TRMT61B: variants seen among roughly 807,000 people sequenced by gnomAD.
The protein encoded by TRMT61B is tRNA (adenine(58)-N(1))-methyltransferase, mitochondrial.
Under a neutral mutation model 52.0 loss-of-function variants are expected in TRMT61B, and 56 were observed. That is an observed-to-expected ratio of 1.08 (90% CI 0.87 to 1.35). TRMT61B has a LOEUF of 1.35. Among genes scored for constraint, TRMT61B ranks in the 40% most tolerant of loss-of-function variants. The pLI is 0.00. For missense variants in TRMT61B, 650 were observed against 577.9 expected, an observed-to-expected ratio of 1.12 and a Z score of -1.28; for synonymous variants, 206 against 220.0, an observed-to-expected ratio of 0.94 and a Z score of 0.56.
chr2:28,852,764 C>A (rs111911755), intron 3 of TRMT61B, among the ~76,000 whole-genome samples: 4 of 151,952 alleles, frequency 2.6e-5, no homozygotes, highest in African/African-American at 9.7e-5. Context: ...TTGAGAACAG[C>A]CCAGGCAACA....
intron 2 of TRMT61B, among the ~76,000 whole-genome samples, chr2:28,864,781 C>A (rs1215540538): frequency 6.6e-6 from 1 of 151,958 alleles, no homozygotes; most frequent in Non-Finnish European, 1.5e-5. Flanking sequence ...AAAGAAGCAG[C>A]ATTAGAGAGC....
chr2:28,850,101 T>G lies in TRMT61B; in HGVS notation c.*98A>C. ...GTATAAGTTATATAAGTCATAGTAA[T>G]AGCTAAAAATGCCAATCTATGGAAG... On this transcript the variant is annotated 3_prime_UTR_variant, in exon 7 of 7. Coordinates refer to ENST00000306108, the MANE Select transcript of TRMT61B (RefSeq NM_017910.4). 1 of 1,238,236 alleles carries G rather than the reference T, an allele frequency of 8.1e-7. No homozygotes were observed. Among genetic ancestry groups the G allele is most frequent in the Non-Finnish European group, 1.2e-6 (1 of 864,028 alleles). 76.7% of individuals were successfully genotyped at this position (1,238,236 alleles called of 1,614,324 possible). A position where few individuals can be genotyped will look rare whatever the true frequency, so the allele number is the denominator to read the frequency against.
At chr2:28,860,568 C>T (rs1321938149) in intron 3 of TRMT61B, among the ~76,000 whole-genome samples, 1 of 152,162 alleles carries the variant, frequency 6.6e-6, no homozygotes, top group South Asian at 2.1e-4. Flanking sequence ...ATCTTCTCTG[C>T]TTCTTTTCCC....
chr2:28,869,929 G>A lies in TRMT61B; in HGVS notation c.349C>T (p.Gln117Ter), dbSNP rs759704663. ...GDQGRCGPTH[Q>*]GSEDPSMLSQ... ...AGCATCGAAGGATCCTCGGATCCCT[G>A]GTGTGTGGGACCGCACCGGCCCTGG... is the stretch of plus-strand genomic sequence containing the variant. Residue 117 changes from glutamine to a stop codon, truncating the protein, a stop_gained, in exon 1 of 7, where the codon CAG (glutamine) becomes TAG (stop). Transcript: ENST00000306108. LOFTEE classifies it high-confidence loss of function. 1 of 1,613,834 alleles carries A rather than the reference G, an allele frequency of 6.2e-7. No homozygotes were observed. Among genetic ancestry groups the A allele is most frequent in the Admixed American group, 1.7e-5 (1 of 59,996 alleles).
In TRMT61B at chr2:28,869,798, C is replaced by T. The variant is rs140115429; in HGVS notation, c.480G>A (p.Glu160=). The T allele has an allele frequency of 6.8e-6, 11 of 1,614,072 alleles. No individual in the cohort carries two copies. Among genetic ancestry groups the T allele is most frequent in the Non-Finnish European group, 8.5e-6 (10 of 1,180,038 alleles). The change falls in exon 1 of 7, where the codon GAG becomes GAA. Residue 160 remains glutamate (E), a synonymous_variant. Transcript: ENST00000306108. ...TAAATTTTGTTTCTCCCTCCCCAGT[C>T]TCAGCTAAAATCAGTTCCCCAGCCT... The part of the protein sequence containing the change: ...PFQAGELILA[E]TGEGETKFKK...
intron 1 of TRMT61B, among the ~76,000 whole-genome samples, chr2:28,867,798 C>T (rs1053590948): frequency 2.3e-4 from 35 of 152,108 alleles, no homozygotes; most frequent in African/African-American, 8.0e-4. Flanking sequence ...GTCGTTCTCA[C>T]CTGTAATCCC....
Position 28,851,130 on chromosome 2 carries a change from T to G in TRMT61B, c.1254A>C (p.Gln418His). 6.2e-7 allele frequency: 1 copy of G among 1,612,954 alleles called. No individual in the cohort carries two copies. The highest frequency in any genetic ancestry group is 2.2e-5 in the East Asian group (1 of 44,818). ...CTCCAATTTTCTCTTGAGAATCTAG[T>G]TGTACATCTGTGTTGATTTTAGATT... ...KVESKINTDV[Q>H]LDSQEKIGVK... Residue 418 changes from glutamine (Q) to histidine (H), a missense_variant, in exon 5 of 7, where the codon CAA (glutamine) becomes CAC (histidine). Coordinates refer to ENST00000306108, the MANE Select transcript of TRMT61B (RefSeq NM_017910.4).
chr2:28,851,060 A>T lies in TRMT61B; in HGVS notation c.1312+12T>A. 6.4e-7 allele frequency: 1 copy of T among 1,572,880 alleles called. No individual in the cohort carries two copies. The highest frequency in any genetic ancestry group is 1.8e-5 in the Admixed American group (1 of 56,734). ...TTCATTACTGCATGCATAAAGTAAAACTGAAGCTCACCATGGTCATCCTCT... is the reference window on the plus strand; with the variant it reads ...TTCATTACTGCATGCATAAAGTAAATCTGAAGCTCACCATGGTCATCCTCT... On this transcript the variant is annotated intron_variant, in intron 5 of 6. Coordinates refer to ENST00000306108, the MANE Select transcript of TRMT61B (RefSeq NM_017910.4).
chr2:28,857,990 T>C (rs1332019751), intron 3 of TRMT61B, among the ~76,000 whole-genome samples: 1 of 152,188 alleles, frequency 6.6e-6, no homozygotes, highest in African/African-American at 2.4e-5. Flanking sequence ...TAGTATTCCA[T>C]TGTGTCTATT....
In TRMT61B at chr2:28,850,428, C is replaced by CTATA; in HGVS notation, c.1313-27_1313-24dup. The CTATA allele has an allele frequency of 2.1e-6, 3 of 1,422,550 alleles. No homozygotes were observed. In the South Asian group the frequency reaches 3.8e-5, roughly 18 times the overall value. The allele number at this position is 1,422,550 out of a possible 1,614,324, so 88.1% of individuals were successfully genotyped here. On this transcript the variant is annotated intron_variant, in intron 5 of 6. Transcript: ENST00000306108. ...CTTCTGTTGTAAAAAAATATATGTACTATAAGCTACATAAAATATTTTCTA... is the reference window on the plus strand; with the variant it reads ...CTTCTGTTGTAAAAAAATATATGTACTATATATAAGCTACATAAAATATTTTCTA...
intron 3 of TRMT61B, among the ~76,000 whole-genome samples, chr2:28,854,777 A>G (rs1669272943): frequency 7.9e-6 from 1 of 126,114 alleles, no homozygotes; most frequent in East Asian, 2.7e-4. Context: ...AAAAACTGCC[A>G]GGCGTGGTGG....
At chr2:28,854,013 G>A (rs1375018706) in intron 3 of TRMT61B, among the ~76,000 whole-genome samples, 1 of 152,124 alleles carries the variant, frequency 6.6e-6, no homozygotes, top group African/African-American at 2.4e-5. Flanking sequence ...AACATTTACT[G>A]TTGTATTAAC....
At position 28,850,358 on chromosome 2, in the gene TRMT61B, T is replaced by C; in HGVS notation, c.1360A>G (p.Arg454Gly). The change falls in exon 6 of 7, where the codon AGA becomes GGA. Residue 454 changes from arginine to glycine, a missense_variant. Coordinates refer to ENST00000306108, the MANE Select transcript of TRMT61B (RefSeq NM_017910.4). ...FPYGSFPYVA[R>G]PVHWQPGHTA... The stretch of plus-strand genomic sequence containing the variant: ...TGACCAGGTTGCCAGTGTACTGGTC[T>C]AGCAACATAGGGAAATGATCCATAT... The C allele has an allele frequency of 6.2e-7, 1 of 1,610,934 alleles. No individual in the cohort carries two copies. Among genetic ancestry groups the C allele is most frequent in the African/African-American group, 1.3e-5 (1 of 74,996 alleles).
intron 3 of TRMT61B, among the ~76,000 whole-genome samples, chr2:28,855,158 G>C (rs1222600009): frequency 2.0e-5 from 3 of 152,168 alleles, no homozygotes; most frequent in Non-Finnish European, 4.4e-5. Context: ...CTGCAGTGGA[G>C]ATAAAAGGGG....
In TRMT61B at chr2:28,858,490, A is replaced by T. The variant is rs897204240; in HGVS notation, c.993+2628T>A. 4.0e-5 allele frequency among the ~76,000 whole-genome samples: 6 copies of T among 151,898 alleles called. No individual in the cohort carries two copies. In the East Asian group the frequency reaches 1.2e-3, roughly 29 times the overall value. Reference sequence around the variant, plus strand: ...GGTTCAGATCAGATCTGGCCACCAGAAGTCTTTGAATGAAAAGCTCCGGGT... The same window carrying T: ...GGTTCAGATCAGATCTGGCCACCAGTAGTCTTTGAATGAAAAGCTCCGGGT... On this transcript the variant is annotated intron_variant, in intron 3 of 6. Coordinates refer to ENST00000306108, the MANE Select transcript of TRMT61B (RefSeq NM_017910.4).
chr2:28,856,512 C>T (rs1669347552), intron 3 of TRMT61B, among the ~76,000 whole-genome samples: 1 of 152,214 alleles, frequency 6.6e-6, no homozygotes, highest in Admixed American at 6.5e-5. Flanking sequence ...TCTTTATTAT[C>T]TAGCCCCTCA....
intron 3 of TRMT61B, among the ~76,000 whole-genome samples, chr2:28,858,461 G>C (rs950149292): frequency 1.3e-5 from 2 of 151,976 alleles, no homozygotes; most frequent in African/African-American, 4.8e-5. Flanking sequence ...ACTAGAGAAA[G>C]GAAGGTTCAG....
chr2:28,861,786 A>C (rs1422377684), intron 2 of TRMT61B: 1 of 152,556 alleles, frequency 6.6e-6, no homozygotes, highest in Non-Finnish European at 1.5e-5. Context: ...GTATATCTCT[A>C]CAGGATAAAG....
intron 3 of TRMT61B, among the ~76,000 whole-genome samples, chr2:28,859,830 G>T (rs964533508): frequency 6.6e-6 from 1 of 152,054 alleles, no homozygotes; most frequent in Non-Finnish European, 1.5e-5. Context: ...TCCTATGGAT[G>T]ACCTAAACAG....
Sources: gnomAD v4.1 joint callset for allele counts (sites outside exome capture counted in the v4.1 genomes callset) on GRCh38, gnomAD v4.1.1 for gene constraint, MANE v1.5 for transcripts, NCBI Gene and HGNC (gene_info 2026-07-23, HGNC 2026-07-21) for gene names.